The following MCC variants were observed in gnomAD, a reference collection of about 807,000 sequenced individuals.
The protein encoded by MCC is colorectal mutant cancer protein.
A neutral mutation model predicts 116.2 loss-of-function variants in MCC; 90 were observed. The observed-to-expected ratio is 0.77, with a 90% confidence interval of 0.65 to 0.92. The LOEUF is 0.92. Ranked by LOEUF, MCC falls within the 40% of genes least tolerant of loss-of-function variation. The pLI is 0.00. For synonymous variants in MCC, 578 were observed against 510.5 expected (o/e 1.13, Z -1.78); for missense variants, 1,516 against 1,312.2 (o/e 1.16, Z -2.40).
intron 3 of MCC, among the ~76,000 whole-genome samples, chr5:113,258,794 T>C (rs1488052894): frequency 6.6e-6 from 1 of 152,228 alleles, no homozygotes; most frequent in Non-Finnish European, 1.5e-5. Context: ...TAATTAAGTT[T>C]AAATGCTCCT....
intron 11 of MCC, among the ~76,000 whole-genome samples, chr5:113,073,081 A>ATT (rs11415931): frequency 0.056 from 8,135 of 145,488 alleles, 273 homozygotes; most frequent in East Asian, 0.1. Flanking sequence ...TATTTTTGCA[A>ATT]TTTTTTTTTT....
chr5:113,466,329 C>T (rs1375256095), intron 1 of MCC, among the ~76,000 whole-genome samples: 1 of 132,672 alleles, frequency 7.5e-6, no homozygotes, highest in Non-Finnish European at 1.6e-5. Context: ...GCTATCCCTC[C>T]CCCCTCCCCC....
At position 113,456,737 on chromosome 5, in the gene MCC, C is replaced by T. The variant is rs942296213; in HGVS notation, c.170+31508G>A. ...CCACCTGCCTCGGCCTCCCAAAATG[C>T]TGGTATTACAGGCGTGAGCCACTGC... On this transcript the variant is annotated intron_variant, in intron 1 of 18. Transcript: ENST00000408903. Among the ~76,000 whole-genome samples the T allele has an allele frequency of 2.1e-5, 3 of 145,084 alleles. No individual in the cohort carries two copies. In the Admixed American group the frequency reaches 2.2e-4, roughly 11 times the overall value.
intron 1 of MCC, among the ~76,000 whole-genome samples, chr5:113,460,091 T>C (rs1771704248): frequency 6.6e-6 from 1 of 152,184 alleles, no homozygotes; most frequent in African/African-American, 2.4e-5. Flanking sequence ...CAGATGTTTA[T>C]ACCTAAACAT....
chr5:113,035,966 C>G (rs564464862), intron 17 of MCC, among the ~76,000 whole-genome samples: 2 of 146,882 alleles, frequency 1.4e-5, no homozygotes, highest in South Asian at 4.3e-4. Context: ...CCCACATAAC[C>G]TTGGAAGTCA....
intron 1 of MCC, chr5:113,399,860 T>C (rs946095128): frequency 6.6e-6 from 1 of 152,180 alleles, no homozygotes; most frequent in African/African-American, 2.4e-5. Context: ...TTCCTTCTGA[T>C]GTTTGGCCTG....
At chr5:113,346,858 T>A (rs1441996303) in intron 2 of MCC, among the ~76,000 whole-genome samples, 1 of 151,492 alleles carries the variant, frequency 6.6e-6, no homozygotes, top group East Asian at 1.9e-4. Flanking sequence ...TACAATGGAG[T>A]TCCAATATGT....
At chr5:113,358,746 T>C (rs556191162) in intron 2 of MCC, among the ~76,000 whole-genome samples, 1 of 152,328 alleles carries the variant, frequency 6.6e-6, no homozygotes, top group East Asian at 1.9e-4. Context: ...CAGCTGTCCC[T>C]GTCACAGCAT....
intron 3 of MCC, among the ~76,000 whole-genome samples, chr5:113,211,095 C>T (rs1161405344): frequency 1.3e-5 from 2 of 152,196 alleles, no homozygotes; most frequent in Non-Finnish European, 1.5e-5. Flanking sequence ...AAATCCTCAT[C>T]CCCAATGTGA....
chr5:113,432,320 C>CAACAA (rs1770680029), intron 1 of MCC, among the ~76,000 whole-genome samples: 1 of 68,612 alleles, frequency 1.5e-5, no homozygotes, highest in Non-Finnish European at 2.9e-5. Context: ...GACTCTGTCT[C>CAACAA]AAAAAAAAAA....
At chr5:113,239,247 A>G (rs1764267268) in intron 3 of MCC, among the ~76,000 whole-genome samples, 1 of 152,198 alleles carries the variant, frequency 6.6e-6, no homozygotes, top group African/African-American at 2.4e-5. Context: ...ATCTCTTTAG[A>G]AAAACATGTT....
At chr5:113,309,450 A>G (rs1767085231) in intron 3 of MCC, among the ~76,000 whole-genome samples, 1 of 152,154 alleles carries the variant, frequency 6.6e-6, no homozygotes, top group South Asian at 2.1e-4. Flanking sequence ...TTTATAAGTG[A>G]GAATATGTGG....
In MCC at chr5:113,023,670, T is replaced by G. The variant is rs1214304890; in HGVS notation, c.*3632A>C. 1 of 152,152 alleles carries G rather than the reference T, an allele frequency of 6.6e-6. No homozygotes were observed. Among genetic ancestry groups the G allele is most frequent in the African/African-American group, 2.4e-5 (1 of 41,462 alleles). The allele number at this position is 152,152 out of a possible 1,614,324, so 9.4% of individuals were successfully genotyped here. The stretch of plus-strand genomic sequence containing the variant: ...ATAGTTTAATAGAATGATTGGGACA[T>G]ACTCCCAATTAAGAATTTGCAAATT... On this transcript the variant is annotated 3_prime_UTR_variant, in exon 19 of 19. Coordinates refer to ENST00000408903, the MANE Select transcript of MCC (RefSeq NM_001085377.2).
chr5:113,151,869 C>G (rs1278669351), intron 3 of MCC, among the ~76,000 whole-genome samples: 2 of 151,994 alleles, frequency 1.3e-5, no homozygotes, highest in African/African-American at 4.8e-5. Context: ...ATCTAAATTG[C>G]TGCATATGTG....
At chr5:113,100,322 C>G (rs1411201249) in intron 8 of MCC, among the ~76,000 whole-genome samples, 1 of 152,024 alleles carries the variant, frequency 6.6e-6, no homozygotes, top group African/African-American at 2.4e-5. Context: ...AGAATACTTA[C>G]AAATGGATTA....
At chr5:113,074,549 T>C (rs374696724) in intron 11 of MCC, among the ~76,000 whole-genome samples, 142 of 143,294 alleles carry the variant, frequency 9.9e-4, no homozygotes, top group Non-Finnish European at 1.9e-3. Context: ...GATGAGTTGA[T>C]AGAAGAAGGC....
intron 3 of MCC, among the ~76,000 whole-genome samples, chr5:113,206,280 C>T: frequency 6.7e-6 from 1 of 148,920 alleles, no homozygotes; most frequent in Admixed American, 6.7e-5. Context: ...GATGTTTCCC[C>T]CTAACTGGAA....
intron 11 of MCC, among the ~76,000 whole-genome samples, chr5:113,074,890 G>A (rs1212388046): frequency 4.6e-5 from 7 of 152,336 alleles, no homozygotes; most frequent in East Asian, 1.9e-4. Flanking sequence ...GGACTGAGAG[G>A]TGACAAAGTG....
intron 2 of MCC, among the ~76,000 whole-genome samples, chr5:113,363,358 C>T (rs1435538956): frequency 1.3e-5 from 2 of 152,188 alleles, no homozygotes; most frequent in Non-Finnish European, 2.9e-5. Context: ...GCTCACAGTT[C>T]CACCGGCTGT....
Sources: allele counts gnomAD v4.1 joint callset (sites outside exome capture counted in the v4.1 genomes callset), GRCh38; gene constraint gnomAD v4.1.1; transcripts MANE v1.5; gene names NCBI Gene and HGNC (gene_info 2026-07-23, HGNC 2026-07-21).